PRDM16: variants seen among roughly 807,000 people sequenced by gnomAD.
The protein encoded by PRDM16 is PR/SET domain 16.
PRDM16 carries 23 observed loss-of-function variants against 110.6 expected under a neutral mutation model. That is an observed-to-expected ratio of 0.21 (90% CI 0.15 to 0.29). The LOEUF is 0.29. Ranked by LOEUF, PRDM16 falls within the 10% of genes least tolerant of loss-of-function variation. The pLI is 1.00. For synonymous variants in PRDM16, 799 were observed against 781.8 expected (o/e 1.02, Z -0.37); for missense variants, 1,615 against 1,794.3 (o/e 0.90, Z 1.81).
rs748607379 is a variant in PRDM16, at chr1:3,438,528, G to A, written c.*4717G>A. 15 of 203,916 alleles carry A rather than the reference G, an allele frequency of 7.4e-5. No individual in the cohort carries two copies. Among genetic ancestry groups the A allele is most frequent in the Non-Finnish European group, 1.3e-4 (13 of 99,570 alleles). 12.6% of individuals were successfully genotyped at this position (203,916 alleles called of 1,614,324 possible). ...AGAAGCCGATTTGGAGGTTAATGCT[G>A]TAGAATAGGACTGTATACCAAATGT... On this transcript the variant is annotated 3_prime_UTR_variant, in exon 17 of 17. Transcript: ENST00000270722.
At position 3,418,008 on chromosome 1, in the gene PRDM16, C is replaced by G. The variant is rs897549070; in HGVS notation, c.2861+11C>G. On this transcript the variant is annotated intron_variant, in intron 11 of 16. Coordinates refer to ENST00000270722, the MANE Select transcript of PRDM16 (RefSeq NM_022114.4). ...GCGATACACGTGCAGGTGAGGGGCC[C>G]TTTGGTGCTGCTGGGACAGCCCTGG... is the stretch of plus-strand genomic sequence containing the variant. 1.9e-6 allele frequency: 3 copies of G among 1,607,106 alleles called. No homozygotes were observed. The African/African-American group carries it at 4.0e-5, about 21-fold the overall frequency.
intron 3 of PRDM16, among the ~76,000 whole-genome samples, chr1:3,257,450 C>T (rs1285592829): frequency 2.6e-5 from 4 of 152,328 alleles, no homozygotes; most frequent in Non-Finnish European, 5.9e-5. Context: ...GAGAGCTCCT[C>T]AAGTTTTTAC....
At chr1:3,076,977 G>A (rs977950220) in intron 1 of PRDM16, among the ~76,000 whole-genome samples, 1 of 152,156 alleles carries the variant, frequency 6.6e-6, no homozygotes, top group Non-Finnish European at 1.5e-5. Context: ...GCTTCTCAGA[G>A]GGGCTGGTCT....
At chr1:3,123,564 G>A (rs1410011024) in intron 1 of PRDM16, among the ~76,000 whole-genome samples, 2 of 152,248 alleles carry the variant, frequency 1.3e-5, no homozygotes, top group South Asian at 2.1e-4. Flanking sequence ...ACTCCCCAGT[G>A]AGGGGGGCCC....
rs1403294230 is a variant in PRDM16, at chr1:3,213,058, C to T, written c.387+26584C>T. On this transcript the variant is annotated intron_variant, in intron 2 of 16. Transcript: ENST00000270722. This position sits in a 1 kb window ranked among gnomAD's most constrained non-coding sequence, Gnocchi z 5.3. ...GAAAGGAAAGCGGGGTCGGCTCGCC[C>T]GCCTGCCGCACGCTTCCCCGGGAGG... Among the ~76,000 whole-genome samples, 2 of 152,208 alleles carry T rather than the reference C, an allele frequency of 1.3e-5. No individual in the cohort carries two copies. Among genetic ancestry groups the T allele is most frequent in the Non-Finnish European group, 2.9e-5 (2 of 68,032 alleles).
chr1:3,285,085 G>C (rs1156472949), intron 3 of PRDM16, among the ~76,000 whole-genome samples: 7 of 152,208 alleles, frequency 4.6e-5, no homozygotes, highest in African/African-American at 1.7e-4. Flanking sequence ...GGCACTCTCT[G>C]GCCCCCCCAA....
At position 3,382,068 on chromosome 1, in the gene PRDM16, G is replaced by A. The variant is rs1435200408; in HGVS notation, c.439-3084G>A. The stretch of plus-strand genomic sequence containing the variant: ...CTGCCGACCACAGCTCTGGCTTGGC[G>A]GGCCTTTCCAGCGGTTTCCTGCTGC... On this transcript the variant is annotated intron_variant, in intron 3 of 16. Transcript: ENST00000270722. The surrounding 1 kb of genome is among the most constrained non-coding windows in gnomAD (Gnocchi z 6.6). Among the ~76,000 whole-genome samples, 5 of 152,370 alleles carry A rather than the reference G, an allele frequency of 3.3e-5. No homozygotes were observed. The South Asian group carries it at 6.2e-4, about 19-fold the overall frequency.
intron 1 of PRDM16, among the ~76,000 whole-genome samples, chr1:3,102,334 A>G (rs1229898176): frequency 2.6e-5 from 4 of 152,186 alleles, no homozygotes; most frequent in African/African-American, 9.6e-5. Flanking sequence ...TTCTTGGCTC[A>G]GGCCAGACTC....
intron 1 of PRDM16, among the ~76,000 whole-genome samples, chr1:3,139,534 C>G (rs765453408): frequency 1.3e-5 from 2 of 152,356 alleles, no homozygotes; most frequent in South Asian, 4.1e-4. Context: ...CCAGCAGTGC[C>G]GCATCCGGGG....
chr1:3,422,529 T>C (rs79971748), intron 12 of PRDM16, among the ~76,000 whole-genome samples: 10,967 of 152,262 alleles, frequency 0.072, 566 homozygotes, highest in Middle Eastern at 0.19. Context: ...CAGAGTCCAG[T>C]GTGTCCTTTC....
chr1:3,433,380 CG>C (rs1228104295), intron 16 of PRDM16, among the ~76,000 whole-genome samples: 2 of 152,368 alleles, frequency 1.3e-5, no homozygotes, highest in East Asian at 1.9e-4. Context: ...GCCAGGGCCA[CG>C]GGAGGCTGGG....
intron 2 of PRDM16, among the ~76,000 whole-genome samples, chr1:3,239,394 A>G (rs1639610648): frequency 6.6e-6 from 1 of 151,806 alleles, no homozygotes; most frequent in Admixed American, 6.6e-5. Flanking sequence ...CAGAACCCTG[A>G]GCCCCTCGAC....
intron 2 of PRDM16, among the ~76,000 whole-genome samples, chr1:3,242,725 C>T (rs928305257): frequency 6.6e-6 from 1 of 152,228 alleles, no homozygotes; most frequent in Non-Finnish European, 1.5e-5. Flanking sequence ...TTGGTAGGCA[C>T]GCTGTGCTGC....
chr1:3,426,528 G>A (rs1638611837), intron 14 of PRDM16, among the ~76,000 whole-genome samples: 1 of 152,194 alleles, frequency 6.6e-6, no homozygotes, highest in Non-Finnish European at 1.5e-5. Flanking sequence ...CACAAGTTCA[G>A]CTGTGCCGCT....
Position 3,246,561 on chromosome 1 carries a change from G to A in PRDM16, c.438+2424G>A, listed in dbSNP as rs1218669632. On this transcript the variant is annotated intron_variant, in intron 3 of 16. Transcript: ENST00000270722. This position sits in a 1 kb window ranked among gnomAD's most constrained non-coding sequence, Gnocchi z 5.2. ...TCCCTGCCGCTGCCCTGCAGGCCCAGTCCGAGGGGCTGGGGGCTGCCTGGA... is the reference window on the plus strand; with the variant it reads ...TCCCTGCCGCTGCCCTGCAGGCCCAATCCGAGGGGCTGGGGGCTGCCTGGA... Among the ~76,000 whole-genome samples, 3 of 152,228 alleles carry A rather than the reference G, an allele frequency of 2.0e-5. No homozygotes were observed. Among genetic ancestry groups the A allele is most frequent in the Non-Finnish European group, 4.4e-5 (3 of 68,044 alleles).
intron 1 of PRDM16, among the ~76,000 whole-genome samples, chr1:3,124,884 G>A (rs1643172285): frequency 6.6e-6 from 1 of 150,852 alleles, no homozygotes; most frequent in Non-Finnish European, 1.5e-5. Flanking sequence ...GCAGCCCTGT[G>A]GGAAGTAGGC....
intron 1 of PRDM16, among the ~76,000 whole-genome samples, chr1:3,180,709 C>CCGGAGA (rs1644140439): frequency 7.5e-6 from 1 of 132,772 alleles, no homozygotes; most frequent in Non-Finnish European, 1.6e-5. Flanking sequence ...ACCCAGCAGA[C>CCGGAGA]GGGAGACCCT....
At chr1:3,431,922 G>T in intron 15 of PRDM16, 44 bp from the exon 16 acceptor site, 1 of 1,590,760 alleles carries the variant, frequency 6.3e-7, no homozygotes, top group Non-Finnish European at 8.6e-7. Flanking sequence ...GCCAAGGCCA[G>T]GCTGCTGACA....
chr1:3,102,606 C>T (rs1338477809), intron 1 of PRDM16, among the ~76,000 whole-genome samples: 3 of 152,232 alleles, frequency 2.0e-5, no homozygotes, highest in Non-Finnish European at 4.4e-5. Flanking sequence ...CTGCACTGTG[C>T]ATGGAGTTTG....
Sources: allele counts gnomAD v4.1 joint callset (sites outside exome capture counted in the v4.1 genomes callset), GRCh38; gene constraint gnomAD v4.1.1; non-coding constraint Gnocchi (gnomAD v3.1); transcripts MANE v1.5; gene names NCBI Gene and HGNC (gene_info 2026-07-23, HGNC 2026-07-21).